Variants in SLC22A4 observed in about 807,000 individuals in gnomAD.
SLC22A4 encodes ET transporter.
A neutral mutation model predicts 56.6 loss-of-function variants in SLC22A4; 39 were observed. That is an observed-to-expected ratio of 0.69 (90% CI 0.53 to 0.90). SLC22A4 has a LOEUF of 0.90. Ranked by LOEUF, SLC22A4 falls within the 40% of genes least tolerant of loss-of-function variation. The pLI, the probability that SLC22A4 is intolerant of heterozygous loss-of-function variation, is 0.00. For missense variants in SLC22A4, 594 were observed against 696.5 expected, an observed-to-expected ratio of 0.85 and a Z score of 1.66; for synonymous variants, 241 against 281.4, an observed-to-expected ratio of 0.86 and a Z score of 1.44.
At chr5:132,312,412 C>G in intron 2 of SLC22A4, 148 bp downstream of exon 2, 1 of 676,670 alleles carries the variant, frequency 1.5e-6, no homozygotes, top group Admixed American at 2.1e-5. Flanking sequence ...GCCCCGATGT[C>G]TCCTATTCAC....
chr5:132,312,336 G>GA, intron 2 of SLC22A4, 72 bp downstream of exon 2: 3 of 974,192 alleles, frequency 3.1e-6, no homozygotes, highest in Non-Finnish European at 5.0e-6. Flanking sequence ...GGGCTGGACT[G>GA]AATTCAGGGT....
chr5:132,318,897 G>A (rs1429459956), intron 3 of SLC22A4, among the ~76,000 whole-genome samples: 1 of 152,142 alleles, frequency 6.6e-6, no homozygotes, highest in Non-Finnish European at 1.5e-5. Flanking sequence ...CACAGCAGGA[G>A]TCACTGCTGT....
chr5:132,319,165 G>A (rs1435398037), intron 3 of SLC22A4, among the ~76,000 whole-genome samples: 1 of 152,072 alleles, frequency 6.6e-6, no homozygotes, highest in African/African-American at 2.4e-5. Flanking sequence ...AGCCGGGCAT[G>A]GTGGCAAGCG....
In SLC22A4 at chr5:132,327,377, C is replaced by T. The variant is rs767872488; in HGVS notation, c.925C>T (p.Pro309Ser). The change falls in exon 5 of 10, where the codon CCA (proline) becomes TCA (serine). Residue 309 changes from proline (P) to serine (S), a missense_variant. By Grantham distance (74) the Pro-to-Ser change is moderately conservative. Transcript: ENST00000200652. ...KAAKMNNIAV[P>S]AVIFDSVEEL... The stretch of plus-strand genomic sequence containing the variant: ...TGCAAAAATGAACAACATAGCTGTA[C>T]CAGCAGTGATATTTGATTCTGTGGA... The T allele has an allele frequency of 6.2e-6, 10 of 1,610,628 alleles. No individual in the cohort carries two copies. In the South Asian group the frequency reaches 7.7e-5, roughly 12 times the overall value.
At chr5:132,335,022 C>G in intron 7 of SLC22A4, 90 bp downstream of exon 7, 1 of 887,976 alleles carries the variant, frequency 1.1e-6, no homozygotes. Flanking sequence ...GTTTATTCAG[C>G]CTTTACATCA....
intron 5 of SLC22A4, among the ~76,000 whole-genome samples, chr5:132,328,184 G>A (rs1179966954): frequency 2.6e-5 from 4 of 152,192 alleles, no homozygotes; most frequent in Non-Finnish European, 5.9e-5. Flanking sequence ...GCTGGAGGCA[G>A]GTCCAAGCCA....
chr5:132,312,271 A>G lies in SLC22A4; in HGVS notation c.497+7A>G. On this transcript the variant is annotated splice_region_variant and intron_variant, in intron 2 of 9. Coordinates refer to ENST00000200652, the MANE Select transcript of SLC22A4 (RefSeq NM_003059.3). ...CCGGGCAGCTGTCAGACAGGTAAGC[A>G]CATGGGAGGGGAGGAAGGTGGGATG... The G allele has an allele frequency of 1.3e-6, 2 of 1,574,648 alleles. No individual in the cohort carries two copies. The highest frequency in any genetic ancestry group is 1.7e-6 in the Non-Finnish European group (2 of 1,144,022).
At chr5:132,314,443 G>A (rs1458539980) in intron 3 of SLC22A4, among the ~76,000 whole-genome samples, 1 of 152,198 alleles carries the variant, frequency 6.6e-6, no homozygotes, top group Non-Finnish European at 1.5e-5. Context: ...GTTGATGAGG[G>A]TCATCCACAG....
chr5:132,331,748 G>C lies in SLC22A4; in HGVS notation c.952-8G>C. Reference sequence around the variant, plus strand: ...ATCTCATGGTTATTTGCATTATTTTGGTTACAGGAGCTAAATCCCCTGAAG... The same window carrying C: ...ATCTCATGGTTATTTGCATTATTTTCGTTACAGGAGCTAAATCCCCTGAAG... On this transcript the variant is annotated splice_polypyrimidine_tract_variant and splice_region_variant and intron_variant, in intron 5 of 9. Coordinates refer to ENST00000200652, the MANE Select transcript of SLC22A4 (RefSeq NM_003059.3). 6.3e-7 allele frequency: 1 copy of C among 1,595,112 alleles called. No individual in the cohort carries two copies. Among genetic ancestry groups the C allele is most frequent in the Non-Finnish European group, 8.6e-7 (1 of 1,162,796 alleles).
At position 132,311,885 on chromosome 5, in the gene SLC22A4, T is replaced by C. The variant is rs920784071; in HGVS notation, c.394-276T>C. ...CATGGCCTTGGCTGGCTTCTTGCTA[T>C]GTAATGCGAGCGGAGTAGGAGCATC... is the stretch of plus-strand genomic sequence containing the variant. On this transcript the variant is annotated intron_variant, in intron 1 of 9. Transcript: ENST00000200652. The C allele has an allele frequency of 1.8e-4, 92 of 523,266 alleles. No individual in the cohort carries two copies. The East Asian group carries it at 3.1e-3, about 17-fold the overall frequency. The allele number at this position is 523,266 out of a possible 1,614,324, so 32.4% of individuals were successfully genotyped here.
intron 9 of SLC22A4, among the ~76,000 whole-genome samples, chr5:132,341,636 T>C (rs766801975): frequency 6.6e-6 from 1 of 151,764 alleles, no homozygotes; most frequent in Non-Finnish European, 1.5e-5. Context: ...TTTGAATAAA[T>C]TAAAAAGTTG....
chr5:132,315,552 C>T (rs542596256), intron 3 of SLC22A4, among the ~76,000 whole-genome samples: 70 of 152,288 alleles, frequency 4.6e-4, no homozygotes, highest in African/African-American at 1.3e-3. Flanking sequence ...TGCCCTCCCC[C>T]GCCGGCTCTG....
intron 8 of SLC22A4, among the ~76,000 whole-genome samples, chr5:132,338,748 A>G (rs1751106793): frequency 6.6e-6 from 1 of 152,230 alleles, no homozygotes; most frequent in Non-Finnish European, 1.5e-5. Context: ...GTCAGAGTTT[A>G]AGGTTATCTC....
chr5:132,327,747 A>C (rs553616082), intron 5 of SLC22A4, among the ~76,000 whole-genome samples: 1 of 152,322 alleles, frequency 6.6e-6, no homozygotes, highest in East Asian at 1.9e-4. Context: ...TAAGTGGAAA[A>C]ATATGTTTCA....
intron 8 of SLC22A4, among the ~76,000 whole-genome samples, chr5:132,340,063 GTTTTTTTTTTTT>G (rs4646203): frequency 1.9e-4 from 18 of 94,874 alleles, no homozygotes; most frequent in Admixed American, 1.4e-3. Context: ...ATACTTAGTT[GTTTTTTTTTTTT>G]TTTTTTTTTT....
At chr5:132,306,021 C>T (rs1750019869) in intron 1 of SLC22A4, among the ~76,000 whole-genome samples, 1 of 152,034 alleles carries the variant, frequency 6.6e-6, no homozygotes. Context: ...GCAATCAAAA[C>T]CACAATGAGA....
At chr5:132,340,397 T>TA (rs1247858889) in intron 8 of SLC22A4, among the ~76,000 whole-genome samples, 168 bp from the exon 9 acceptor site, 2 of 152,180 alleles carry the variant, frequency 1.3e-5, no homozygotes, top group Non-Finnish European at 2.9e-5. Flanking sequence ...ACATGCACAA[T>TA]GTCATCTGCC....
At chr5:132,334,967 A>G (rs757602311) in intron 7 of SLC22A4, 35 bp downstream of exon 7, 29 of 1,424,024 alleles carry the variant, frequency 2.0e-5, no homozygotes, top group South Asian at 1.4e-4. Flanking sequence ...GCTTACCAGA[A>G]AAGACCCACA....
chr5:132,312,388 C>A, intron 2 of SLC22A4, 124 bp downstream of exon 2: 1 of 736,810 alleles, frequency 1.4e-6, no homozygotes, highest in South Asian at 1.4e-5. Context: ...GCCACTGATT[C>A]AGTGATAGGA....
Sources: gnomAD v4.1 joint callset for allele counts (sites outside exome capture counted in the v4.1 genomes callset) on GRCh38, gnomAD v4.1.1 for gene constraint, MANE v1.5 for transcripts, NCBI Gene and HGNC (gene_info 2026-07-23, HGNC 2026-07-21) for gene names.